The following PDE9A variants were observed in gnomAD, a reference collection of about 807,000 sequenced individuals.
PDE9A encodes high affinity cGMP-specific 3',5'-cyclic phosphodiesterase 9A.
In PDE9A, 60 loss-of-function variants were observed where a neutral mutation model predicts 87.4. The ratio of observed to expected loss-of-function variants is 0.69; its 90% CI spans 0.56 to 0.85. PDE9A has a LOEUF of 0.85. PDE9A is among the 40% of genes least tolerant of loss of function. The probability of loss-of-function intolerance (pLI) is 0.00; values close to 1 mark genes in which losing one functional copy is unlikely to be tolerated. For missense variants in PDE9A, 665 were observed against 779.0 expected, an observed-to-expected ratio of 0.85 and a Z score of 1.74; for synonymous variants, 272 against 279.4, an observed-to-expected ratio of 0.97 and a Z score of 0.27.
chr21:42,679,932 T>C (rs1210887370), intron 1 of PDE9A, among the ~76,000 whole-genome samples: 1 of 152,206 alleles, frequency 6.6e-6, no homozygotes, highest in Admixed American at 6.5e-5. Flanking sequence ...TCAAGCCAGT[T>C]CAAGAAGATC....
At chr21:42,738,313 G>A (rs1040630443) in intron 7 of PDE9A, among the ~76,000 whole-genome samples, 5 of 152,190 alleles carry the variant, frequency 3.3e-5, no homozygotes, top group African/African-American at 4.8e-5. Context: ...TGCTCTACGC[G>A]GGCTCTTTAG....
In PDE9A at chr21:42,659,296, A is replaced by G. The variant is rs2145801992; in HGVS notation, c.69+5413A>G. Among the ~76,000 whole-genome samples, 1 of 152,334 alleles carries G rather than the reference A, an allele frequency of 6.6e-6. No homozygotes were observed. The highest frequency in any genetic ancestry group is 6.5e-5 in the Admixed American group (1 of 15,308). ...CCACCTGACGCCATCAGGAATTTCC[A>G]TGAATGACCTGGAAACCTCTCAGAC... is the stretch of plus-strand genomic sequence containing the variant. On this transcript the variant is annotated intron_variant, in intron 1 of 19. Transcript: ENST00000291539. The surrounding 1 kb of genome is among the most constrained non-coding windows in gnomAD (Gnocchi z 4.1).
At chr21:42,726,624 A>ATTTTTT (rs1197356167) in intron 4 of PDE9A, among the ~76,000 whole-genome samples, 410 of 19,776 alleles carry the variant, frequency 0.021, 48 homozygotes, top group South Asian at 0.028. Context: ...ATATATATAT[A>ATTTTTT]TTTTTTTTTT....
intron 16 of PDE9A, chr21:42,768,578 A>G (rs1358294208): frequency 1.0e-6 from 1 of 985,360 alleles, no homozygotes; most frequent in Non-Finnish European, 1.2e-6. Context: ...AAATTGCCTG[A>G]AAGTCAAGAA....
intron 4 of PDE9A, among the ~76,000 whole-genome samples, chr21:42,716,215 GCACATAAGATTTTAA>G (rs1181387795): frequency 6.6e-6 from 1 of 151,782 alleles, no homozygotes; most frequent in Non-Finnish European, 1.5e-5. Flanking sequence ...GTTTTTGTGT[GCACATAAGATTTTAA>G]CACATTTGGA....
chr21:42,684,610 G>A (rs550154233), intron 1 of PDE9A, among the ~76,000 whole-genome samples: 2 of 152,358 alleles, frequency 1.3e-5, no homozygotes, highest in African/African-American at 4.8e-5. Flanking sequence ...CTCAGAGGAG[G>A]GAGCTCTGGG....
intron 1 of PDE9A, among the ~76,000 whole-genome samples, chr21:42,673,123 A>C (rs2058654820): frequency 6.6e-6 from 1 of 152,110 alleles, no homozygotes; most frequent in East Asian, 1.9e-4. Context: ...CCTGTGGGCG[A>C]GGTAGGATTT....
At chr21:42,716,747 C>CTTTTTTTTTT (rs60104683) in intron 4 of PDE9A, among the ~76,000 whole-genome samples, 5 of 94,268 alleles carry the variant, frequency 5.3e-5, no homozygotes, top group African/African-American at 9.1e-5. Flanking sequence ...TTATAATTTC[C>CTTTTTTTTTT]TTTTTTTTTT....
At chr21:42,667,019 C>G (rs1057247215) in intron 1 of PDE9A, among the ~76,000 whole-genome samples, 17 of 152,244 alleles carry the variant, frequency 1.1e-4, no homozygotes, top group African/African-American at 2.4e-4. Flanking sequence ...CACTCCCCCC[C>G]GCCCCAACCC....
intron 4 of PDE9A, among the ~76,000 whole-genome samples, chr21:42,709,311 G>A (rs919627414): frequency 6.6e-6 from 1 of 152,166 alleles, no homozygotes; most frequent in Non-Finnish European, 1.5e-5. Flanking sequence ...GGGAGGGTTG[G>A]GGGAGGGAGA....
intron 7 of PDE9A, among the ~76,000 whole-genome samples, chr21:42,740,592 TG>T: frequency 2.2e-5 from 1 of 45,994 alleles, no homozygotes; most frequent in East Asian, 6.3e-4. Flanking sequence ...GGTGGATGGA[TG>T]GATGGATGGA....
Position 42,754,041 on chromosome 21 carries a change from G to C in PDE9A, c.787G>C (p.Val263Leu). 1 of 1,613,086 alleles carries C rather than the reference G, an allele frequency of 6.2e-7. No homozygotes were observed. Among genetic ancestry groups the C allele is most frequent in the Non-Finnish European group, 8.5e-7 (1 of 1,179,340 alleles). The change falls in exon 10 of 20, where the codon GTC becomes CTC. Residue 263 changes from valine (V) to leucine (L), a missense_variant. Coordinates refer to ENST00000291539, the MANE Select transcript of PDE9A (RefSeq NM_002606.3). Reference sequence around the variant, plus strand: ...GGCCCTGCGGAAGCCGACCTTTGACGTCTGGCTTTGGGAGCCCAATGAGGT... The same window carrying C: ...GGCCCTGCGGAAGCCGACCTTTGACCTCTGGCTTTGGGAGCCCAATGAGGT... ...IEALRKPTFD[V>L]WLWEPNEMLS... is the part of the protein sequence containing the mutation.
At chr21:42,654,417 A>G (rs2056893313) in intron 1 of PDE9A, among the ~76,000 whole-genome samples, 1 of 152,116 alleles carries the variant, frequency 6.6e-6, no homozygotes, top group Admixed American at 6.5e-5. Flanking sequence ...CTGTGCGGAG[A>G]TAGGAAGTCC....
At chr21:42,689,928 G>A (rs1236731220) in intron 3 of PDE9A, 48 of 984,926 alleles carry the variant, frequency 4.9e-5, no homozygotes, top group South Asian at 9.4e-5. Flanking sequence ...AGACACACGC[G>A]GATGAGGATA....
At chr21:42,732,212 C>T (rs1212085244) in intron 6 of PDE9A, 88 bp downstream of exon 6, 5 of 1,322,088 alleles carry the variant, frequency 3.8e-6, no homozygotes, top group Non-Finnish European at 4.3e-6. Context: ...TGAGGCTGGC[C>T]TTGGCCGGCA....
rs529062482 is a variant in PDE9A at position 42,705,244 on chromosome 21, A to G, written c.262+6233A>G. 2.6e-5 allele frequency among the ~76,000 whole-genome samples: 4 copies of G among 152,350 alleles called. No homozygotes were observed. The East Asian group carries it at 7.7e-4, about 29-fold the overall frequency. ...TCCCTTTTGTGACTAAAATAAAGGT[A>G]ATAGCAACTACAAAAACCACGACAC... On this transcript the variant is annotated intron_variant, in intron 4 of 19. Coordinates refer to ENST00000291539, the MANE Select transcript of PDE9A (RefSeq NM_002606.3). The surrounding 1 kb of genome is among the most constrained non-coding windows in gnomAD (Gnocchi z 4.3).
chr21:42,731,104 T>C (rs1360214157), intron 4 of PDE9A, among the ~76,000 whole-genome samples: 2 of 152,164 alleles, frequency 1.3e-5, no homozygotes, highest in East Asian at 3.9e-4. Context: ...ATTACAGGCA[T>C]GCACCACCAT....
rs1456070666 is a variant in PDE9A at position 42,765,367 on chromosome 21, C to T, written c.1243-14C>T. 1 of 1,483,372 alleles carries T rather than the reference C, an allele frequency of 6.7e-7. No homozygotes were observed. Among genetic ancestry groups the T allele is most frequent in the African/African-American group, 1.4e-5 (1 of 72,476 alleles). The allele number at this position is 1,483,372 out of a possible 1,614,324, so 91.9% of individuals were successfully genotyped here. ...ACTATACCCGTGTTAACACGTTGTT[C>T]TCTCGCTATTTAGGGAATGATCACA... On this transcript the variant is annotated splice_polypyrimidine_tract_variant and intron_variant, in intron 14 of 19. Transcript: ENST00000291539.
Position 42,760,564 on chromosome 21 carries a change from A to C in PDE9A, c.1002+132A>C. 1 of 648,552 alleles carries C rather than the reference A, an allele frequency of 1.5e-6. No homozygotes were observed. The highest frequency in any genetic ancestry group is 2.7e-6 in the Non-Finnish European group (1 of 365,290). 40.2% of individuals were successfully genotyped at this position (648,552 alleles called of 1,614,324 possible). A position where few individuals can be genotyped will look rare whatever the true frequency, so the allele number is the denominator to read the frequency against. ...GGTCCCCAGCCGCTCCGCCCCTCCT[A>C]GGGACGCACCCCTGCCCACCGTTGT... On this transcript the variant is annotated intron_variant, in intron 12 of 19. Coordinates refer to ENST00000291539, the MANE Select transcript of PDE9A (RefSeq NM_002606.3). The surrounding 1 kb of genome is among the most constrained non-coding windows in gnomAD (Gnocchi z 5.2).
Sources: gnomAD v4.1 joint callset for allele counts (sites outside exome capture counted in the v4.1 genomes callset) on GRCh38, gnomAD v4.1.1 for gene constraint, Gnocchi (gnomAD v3.1) non-coding constraint, MANE v1.5 for transcripts, NCBI Gene and HGNC (gene_info 2026-07-23, HGNC 2026-07-21) for gene names.